Variants in MAP4 observed in about 807,000 individuals in gnomAD.
MAP4 encodes the protein microtubule associated protein 4.
Under a neutral mutation model 170.2 loss-of-function variants are expected in MAP4, and 76 were observed. The observed-to-expected ratio is 0.45, with a 90% CI of 0.37 to 0.54. The LOEUF (loss-of-function observed/expected upper bound fraction) is 0.54. Among genes scored for constraint, MAP4 ranks in the 20% least tolerant of loss-of-function variants. The probability of loss-of-function intolerance (pLI) is 0.00; values close to 1 mark genes in which losing one functional copy is unlikely to be tolerated. For synonymous variants in MAP4, 909 were observed against 994.5 expected (o/e 0.91, Z 1.62); for missense variants, 2,506 against 2,748.0 (o/e 0.91, Z 1.97).
At chr3:47,941,308 A>G (rs1476476634) in intron 3 of MAP4, among the ~76,000 whole-genome samples, 2 of 151,268 alleles carry the variant, frequency 1.3e-5, no homozygotes, top group Non-Finnish European at 3.0e-5. Context: ...TCAAATACCC[A>G]TAGTTACCTG....
At chr3:48,049,138 T>C (rs1332198213) in intron 1 of MAP4, among the ~76,000 whole-genome samples, 3 of 152,262 alleles carry the variant, frequency 2.0e-5, no homozygotes, top group Non-Finnish European at 2.9e-5. Flanking sequence ...TAGTATTCCA[T>C]GCTATGGATG....
Position 47,912,157 on chromosome 3 carries a change from C to A in MAP4, c.2264G>T (p.Gly755Val). 1.3e-6 allele frequency: 2 copies of A among 1,536,158 alleles called. No homozygotes were observed. The highest frequency in any genetic ancestry group is 1.7e-6 in the Non-Finnish European group (2 of 1,146,910). Reference protein sequence around the residue: ...VDSLEPQRDLGREAWDIESTP... With the variant: ...VDSLEPQRDLVREAWDIESTP... ...GCTTTCTATATCCCAGGCCTCCCTG[C>A]CAAGATCCCTCTGGGGTTCAAGTGA... is the stretch of plus-strand genomic sequence containing the variant. Residue 755 changes from glycine to valine, a missense_variant, in exon 9 of 21, where the codon GGC (glycine) becomes GTC (valine). Transcript: ENST00000683076.
At chr3:48,086,508 A>T (rs2100149137) in intron 1 of MAP4, among the ~76,000 whole-genome samples, 1 of 152,038 alleles carries the variant, frequency 6.6e-6, no homozygotes, top group African/African-American at 2.4e-5. Context: ...GTGTGGTGGC[A>T]CATGCCTATA....
intron 11 of MAP4, chr3:47,877,099 C>T (rs2095595207): frequency 4.6e-6 from 1 of 218,484 alleles, no homozygotes. Flanking sequence ...TCAGGATGGT[C>T]TCCATCTCCT....
At chr3:47,928,171 T>A in intron 4 of MAP4, 57 bp downstream of exon 4, 1 of 1,601,918 alleles carries the variant, frequency 6.2e-7, no homozygotes, top group Non-Finnish European at 8.5e-7. Flanking sequence ...TGGTTGTAGC[T>A]TTTTCACATT....
chr3:48,048,664 A>C (rs373240684), intron 1 of MAP4, among the ~76,000 whole-genome samples: 2 of 151,942 alleles, frequency 1.3e-5, no homozygotes, highest in East Asian at 3.9e-4. Flanking sequence ...CCACAGGTGC[A>C]TGCCGCCACA....
At chr3:48,055,067 T>A (rs1489341930) in intron 1 of MAP4, among the ~76,000 whole-genome samples, 2 of 152,100 alleles carry the variant, frequency 1.3e-5, no homozygotes, top group African/African-American at 4.8e-5. Context: ...CCAAGTAGGG[T>A]ATCCAGGAAT....
At chr3:47,863,937 T>TGTGTGTGTGGGGGGGG (rs374208589) in intron 17 of MAP4, among the ~76,000 whole-genome samples, 2 of 138,348 alleles carry the variant, frequency 1.4e-5, no homozygotes, top group African/African-American at 2.7e-5. Context: ...TGTGTGTGTG[T>TGTGTGTGTGGGGGGGG]GGGGAGTGGT....
At chr3:48,019,621 A>T (rs1376121803), upstream of MAP4, among the ~76,000 whole-genome samples, 2 of 152,166 alleles carry the variant, frequency 1.3e-5, no homozygotes, top group Non-Finnish European at 2.9e-5. Context: ...ATGGTGGTTC[A>T]TGCCTATAAT....
At chr3:48,084,561 G>A (rs1335333175) in intron 1 of MAP4, among the ~76,000 whole-genome samples, 1 of 151,278 alleles carries the variant, frequency 6.6e-6, no homozygotes, top group Non-Finnish European at 1.5e-5. Context: ...ATGTATCAGT[G>A]TGCTTTATTA....
intron 17 of MAP4, among the ~76,000 whole-genome samples, chr3:47,859,819 C>T (rs902425429): frequency 1.3e-5 from 2 of 152,192 alleles, no homozygotes; most frequent in Middle Eastern, 3.2e-3. Flanking sequence ...GTTCATTATA[C>T]AGATATTTAT....
At chr3:48,008,977 G>A (rs555847499) in intron 1 of MAP4, among the ~76,000 whole-genome samples, 2 of 152,324 alleles carry the variant, frequency 1.3e-5, no homozygotes, top group South Asian at 4.1e-4. Flanking sequence ...CTTCCATCAT[G>A]GAAAGGGCAG....
chr3:47,996,061 CCAGA>C (rs1159566304), intron 2 of MAP4, among the ~76,000 whole-genome samples: 3 of 152,106 alleles, frequency 2.0e-5, no homozygotes, highest in Non-Finnish European at 4.4e-5. Context: ...GGGTGAGGGA[CCAGA>C]CAGAGCCTCC....
At chr3:47,950,007 T>C (rs2154090907) in intron 3 of MAP4, among the ~76,000 whole-genome samples, 1 of 152,350 alleles carries the variant, frequency 6.6e-6, no homozygotes, top group East Asian at 1.9e-4. Flanking sequence ...ACAATACTCT[T>C]GCTTTTAACC....
chr3:47,944,113 CA>C (rs1249464835), intron 3 of MAP4, among the ~76,000 whole-genome samples: 1 of 151,888 alleles, frequency 6.6e-6, no homozygotes, highest in African/African-American at 2.4e-5. Context: ...AGATCAAGAA[CA>C]GCCTGATCAA....
intron 15 of MAP4, 46 bp from the exon 16 acceptor site, chr3:47,869,373 G>A: frequency 7.7e-7 from 1 of 1,306,510 alleles, no homozygotes; most frequent in South Asian, 1.2e-5. Flanking sequence ...AAGAGGATAA[G>A]AGCTCAAAAG....
At position 47,928,242 on chromosome 3, in the gene MAP4, TCGA is replaced by T; in HGVS notation, c.398_400del (p.Val133del). 1 of 1,614,198 alleles carries T rather than the reference TCGA, an allele frequency of 6.2e-7. No homozygotes were observed. The highest frequency in any genetic ancestry group is 1.3e-5 in the African/African-American group (1 of 75,064). On this transcript the variant is annotated inframe_deletion, in exon 4 of 21. Transcript: ENST00000683076. Reference sequence around the variant, plus strand: ...CCAACACTTACCAGTCTGGATAGGATCGACCACTTGCTCAGGTTGGAAACAAAA... The same window carrying T: ...CCAACACTTACCAGTCTGGATAGGATCCACTTGCTCAGGTTGGAAACAAAA...
chr3:47,877,161 G>A lies in MAP4; in HGVS notation c.5541+256C>T, dbSNP rs561528702. 1.0e-4 allele frequency: 34 copies of A among 336,632 alleles called. 1 individual carries two copies. The highest frequency in any genetic ancestry group is 1.5e-4 in the African/African-American group (7 of 46,822). The allele number at this position is 336,632 out of a possible 1,614,324, so 20.9% of individuals were successfully genotyped here. A position where few individuals can be genotyped will look rare whatever the true frequency, so the allele number is the denominator to read the frequency against. On this transcript the variant is annotated intron_variant, in intron 11 of 20. Coordinates refer to ENST00000683076, the MANE Select transcript of MAP4 (RefSeq NM_001385682.1). ...CAAAGTGCTGAGATTACAGGCATGAGCCACCATGCCCGGCCTCTACAGAAC... is the reference window on the plus strand; with the variant it reads ...CAAAGTGCTGAGATTACAGGCATGAACCACCATGCCCGGCCTCTACAGAAC...
intron 10 of MAP4, among the ~76,000 whole-genome samples, chr3:47,881,668 G>A (rs1354340253): frequency 6.6e-6 from 1 of 150,716 alleles, no homozygotes; most frequent in African/African-American, 2.4e-5. Context: ...TGTGATCATG[G>A]CTGACTGTAC....
Sources: gnomAD v4.1 joint callset for allele counts (sites outside exome capture counted in the v4.1 genomes callset) on GRCh38, gnomAD v4.1.1 for gene constraint, MANE v1.5 for transcripts, NCBI Gene and HGNC (gene_info 2026-07-23, HGNC 2026-07-21) for gene names.